Variants in MROH7 observed in about 807,000 individuals in gnomAD.
The protein encoded by MROH7 is maestro heat like repeat family member 7.
A neutral mutation model predicts 129.2 loss-of-function variants in MROH7; 113 were observed. The ratio of observed to expected loss-of-function variants is 0.87; its 90% CI spans 0.75 to 1.02. The LOEUF (loss-of-function observed/expected upper bound fraction) is 1.02, where lower values mean the gene tolerates loss of function less well. MROH7 is among the 50% of genes least tolerant of loss of function. MROH7 has a pLI of 0.00. For missense variants in MROH7, 1,601 were observed against 1,671.3 expected (o/e 0.96, Z 0.73); for synonymous variants, 655 against 667.9 (o/e 0.98, Z 0.30).
At chr1:54,701,872 G>GC (rs1024310566) in intron 19 of MROH7, among the ~76,000 whole-genome samples, 5 of 147,994 alleles carry the variant, frequency 3.4e-5, no homozygotes, top group Non-Finnish European at 6.0e-5. Context: ...CACCTGGCCA[G>GC]TTTTTTTTTT....
chr1:54,660,779 C>T (rs1425180330), intron 3 of MROH7, among the ~76,000 whole-genome samples: 3 of 151,854 alleles, frequency 2.0e-5, no homozygotes, highest in Non-Finnish European at 4.4e-5. Flanking sequence ...TGCACCATTG[C>T]ACTCCAGCCT....
At position 54,710,062 on chromosome 1, in the gene MROH7, T is replaced by C. The variant is rs751348263; in HGVS notation, c.3847T>C (p.Trp1283Arg). 1.9e-6 allele frequency: 3 copies of C among 1,613,976 alleles called. No homozygotes were observed. The African/African-American group carries it at 4.0e-5, about 22-fold the overall frequency. The change falls in exon 24 of 24, where the codon TGG (tryptophan) becomes CGG (arginine). Residue 1283 changes from tryptophan (W) to arginine (R), a missense_variant. Trp to Arg is a moderately radical substitution (Grantham distance 101). Transcript: ENST00000421030. ...QNSWLPHGNS[W>R]VCYSATTHRW... ...CTCCTGGCTGCCGCACGGGAACTCATGGGTGTGTTACTCAGCCACCACCCA... is the reference window on the plus strand; with the variant it reads ...CTCCTGGCTGCCGCACGGGAACTCACGGGTGTGTTACTCAGCCACCACCCA...
At chr1:54,700,018 G>T in intron 17 of MROH7, 1 of 635,846 alleles carries the variant, frequency 1.6e-6, no homozygotes. Context: ...GAAGCTGGCT[G>T]GCTGGTGGTG....
intron 21 of MROH7, among the ~76,000 whole-genome samples, chr1:54,704,668 A>G (rs1645499394): frequency 6.6e-6 from 1 of 151,246 alleles, no homozygotes; most frequent in African/African-American, 2.4e-5. Context: ...GTGGTCTCGA[A>G]CTCCTGACCT....
chr1:54,679,902 C>G lies in MROH7; in HGVS notation c.2238C>G (p.Ile746Met). ...CGGCTGTGCCCCAGATCCCAGAAAT[C>G]ATGCAAGGCATCTACATGCAGCTGA... ...RHRALEVIPE[I>M]MQGIYMQLSH... Residue 746 changes from isoleucine (I) to methionine (M), a missense_variant, in exon 13 of 24, where the codon ATC (isoleucine) becomes ATG (methionine). Physicochemically the swap from Ile to Met is conservative, Grantham distance 10. Transcript: ENST00000421030. 1 of 1,609,346 alleles carries G rather than the reference C, an allele frequency of 6.2e-7. No individual in the cohort carries two copies. Among genetic ancestry groups the G allele is most frequent in the Non-Finnish European group, 8.5e-7 (1 of 1,178,010 alleles).
chr1:54,702,256 G>T lies in MROH7; in HGVS notation c.3441+11G>T. ...TCCAAGGTAAGCCAGGTGAGTGTGCGTGGGCCCTGCACCCTCTACCCCTCC... is the reference window on the plus strand; with the variant it reads ...TCCAAGGTAAGCCAGGTGAGTGTGCTTGGGCCCTGCACCCTCTACCCCTCC... On this transcript the variant is annotated intron_variant, in intron 20 of 23. Transcript: ENST00000421030. 6.7e-7 allele frequency: 1 copy of T among 1,495,412 alleles called. No homozygotes were observed. The highest frequency in any genetic ancestry group is 9.0e-7 in the Non-Finnish European group (1 of 1,116,766). 92.6% of individuals were successfully genotyped at this position (1,495,412 alleles called of 1,614,324 possible). A position where few individuals can be genotyped will look rare whatever the true frequency, so the allele number is the denominator to read the frequency against.
At chr1:54,701,352 A>T in intron 19 of MROH7, 30 bp downstream of exon 19, 1 of 1,526,974 alleles carries the variant, frequency 6.5e-7, no homozygotes, top group Non-Finnish European at 8.8e-7. Context: ...AAGGAGCAGG[A>T]GGGATCGAGA....
Position 54,653,303 on chromosome 1 carries a change from A to G in MROH7, c.377A>G (p.Asn126Ser). 1 of 1,613,952 alleles carries G rather than the reference A, an allele frequency of 6.2e-7. No homozygotes were observed. Among genetic ancestry groups the G allele is most frequent in the Non-Finnish European group, 8.5e-7 (1 of 1,179,980 alleles). ...DSQGRLCPAS[N>S]PILSPSSTEA... is the part of the protein sequence containing the mutation. ...CAGGGGCGCCTCTGTCCAGCCTCAA[A>G]CCCCATTCTGAGCCCTAGCTCTACT... Residue 126 changes from asparagine (N) to serine (S), a missense_variant, in exon 3 of 24, where the codon AAC becomes AGC. Transcript: ENST00000421030.
intron 6 of MROH7, 91 bp downstream of exon 6, chr1:54,670,667 A>ACCCC: frequency 1.0e-5 from 10 of 960,066 alleles, no homozygotes; most frequent in African/African-American, 1.9e-5. Context: ...CCCTCCCCCA[A>ACCCC]CCCGCCCCCA....
At chr1:54,659,444 G>T in intron 3 of MROH7, among the ~76,000 whole-genome samples, 1 of 137,822 alleles carries the variant, frequency 7.3e-6, no homozygotes. Flanking sequence ...CACCACTTCT[G>T]GCTAATTTTT....
At chr1:54,686,489 G>T (rs755383856) in intron 15 of MROH7, 41 bp downstream of exon 15, 2 of 1,576,460 alleles carry the variant, frequency 1.3e-6, no homozygotes, top group East Asian at 4.5e-5. Flanking sequence ...GTCCCCGGTG[G>T]TGGGAAGGGC....
intron 1 of MROH7, chr1:54,651,171 A>G (rs183574496): frequency 6.6e-6 from 1 of 152,554 alleles, no homozygotes; most frequent in Non-Finnish European, 1.5e-5. Context: ...AAGAAGAGAG[A>G]AAAATAATGA....
intron 3 of MROH7, among the ~76,000 whole-genome samples, chr1:54,654,994 T>C (rs1644620270): frequency 6.6e-6 from 1 of 152,038 alleles, no homozygotes; most frequent in Non-Finnish European, 1.5e-5. Flanking sequence ...TAAATAGGTG[T>C]TCATATCTGA....
chr1:54,674,091 A>C lies in MROH7; in HGVS notation c.1876A>C (p.Ile626Leu), dbSNP rs756736011. Reference sequence around the variant, plus strand: ...TCACATTGGGGATCCTGATGAGGAGATTGGCTGTGAGGCTCTGGACGGCAT... The same window carrying C: ...TCACATTGGGGATCCTGATGAGGAGCTTGGCTGTGAGGCTCTGGACGGCAT... ...ILHIGDPDEEIGCEALDGIII... is the reference protein window; with the variant it reads ...ILHIGDPDEELGCEALDGIII... Residue 626 changes from isoleucine to leucine, a missense_variant, in exon 10 of 24, where the codon ATT (isoleucine) becomes CTT (leucine). Physicochemically the swap from Ile to Leu is conservative, Grantham distance 5. Coordinates refer to ENST00000421030, the MANE Select transcript of MROH7 (RefSeq NM_001039464.4). The C allele has an allele frequency of 6.2e-7, 1 of 1,613,916 alleles. No homozygotes were observed. The highest frequency in any genetic ancestry group is 2.2e-5 in the East Asian group (1 of 44,860).
chr1:54,653,806 C>G lies in MROH7; in HGVS notation c.880C>G (p.Gln294Glu), dbSNP rs1004127482. Residue 294 changes from glutamine (Q) to glutamate (E), a missense_variant, in exon 3 of 24, where the codon CAA becomes GAA. Gln to Glu is a conservative substitution (Grantham distance 29, BLOSUM62 2). Coordinates refer to ENST00000421030, the MANE Select transcript of MROH7 (RefSeq NM_001039464.4). ...ATCTGATTTGAGCGTGACCATCACT[C>G]AAGCCTCGTATGTGACCCTGATTCC... ...SRSDLSVTIT[Q>E]ASYVTLIPGS... 1.9e-6 allele frequency: 3 copies of G among 1,614,050 alleles called. No homozygotes were observed. In the African/African-American group the frequency reaches 4.0e-5, roughly 22 times the overall value.
chr1:54,686,908 A>G (rs1463189870), intron 15 of MROH7, among the ~76,000 whole-genome samples: 5 of 152,178 alleles, frequency 3.3e-5, no homozygotes, highest in Non-Finnish European at 7.3e-5. Flanking sequence ...GCCCTCCCAG[A>G]GGAGGATTAT....
At chr1:54,691,442 G>A (rs1241181043) in intron 15 of MROH7, among the ~76,000 whole-genome samples, 1 of 152,196 alleles carries the variant, frequency 6.6e-6, no homozygotes, top group African/African-American at 2.4e-5. Flanking sequence ...TTCAGCAAAT[G>A]TTTAGGTTTC....
intron 7 of MROH7, among the ~76,000 whole-genome samples, chr1:54,671,640 G>T (rs1644906051): frequency 6.6e-6 from 1 of 152,210 alleles, no homozygotes; most frequent in African/African-American, 2.4e-5. Flanking sequence ...AGGAGGGGTG[G>T]AGGTGACCCT....
At chr1:54,701,118 C>T (rs1227765839) in intron 18 of MROH7, 25 bp from the exon 19 acceptor site, 1 of 1,611,050 alleles carries the variant, frequency 6.2e-7, no homozygotes, top group South Asian at 1.1e-5. Context: ...TAGGAGCCCT[C>T]ATCCCAAATG....
Sources: allele counts gnomAD v4.1 joint callset (sites outside exome capture counted in the v4.1 genomes callset), GRCh38; gene constraint gnomAD v4.1.1; transcripts MANE v1.5; gene names NCBI Gene and HGNC (gene_info 2026-07-23, HGNC 2026-07-21).